Variants in UNC80 observed in about 807,000 individuals in gnomAD.
UNC80 encodes unc-80 subunit of NALCN channel complex, also known as protein unc-80 homolog.
In UNC80, 164 loss-of-function variants were observed where a neutral mutation model predicts 384.6. The ratio of observed to expected loss-of-function variants is 0.43; its 90% CI spans 0.38 to 0.49. The LOEUF (loss-of-function observed/expected upper bound fraction) is 0.49. Ranked by LOEUF, UNC80 falls within the 20% of genes least tolerant of loss-of-function variation. The pLI, the probability that UNC80 is intolerant of heterozygous loss-of-function variation, is 0.00. For synonymous variants in UNC80, 1,486 were observed against 1,527.8 expected (o/e 0.97, Z 0.64); for missense variants, 3,330 against 4,143.0 (o/e 0.80, Z 5.39).
chr2:209,871,394 ATTAT>A (rs1334516174), intron 22 of UNC80, among the ~76,000 whole-genome samples: 3 of 152,182 alleles, frequency 2.0e-5, no homozygotes, highest in African/African-American at 2.4e-5. Context: ...AATGGGGGAC[ATTAT>A]TTATAGATCA....
At chr2:209,790,143 T>G (rs1276343124) in intron 6 of UNC80, among the ~76,000 whole-genome samples, 2 of 152,144 alleles carry the variant, frequency 1.3e-5, no homozygotes, top group Non-Finnish European at 2.9e-5. Context: ...AGATGCAGAA[T>G]GTAATTCAGT....
At chr2:209,822,275 A>G (rs1475621390) in intron 13 of UNC80, among the ~76,000 whole-genome samples, 1 of 152,224 alleles carries the variant, frequency 6.6e-6, no homozygotes, top group African/African-American at 2.4e-5. Flanking sequence ...TCTATCACTG[A>G]GGACAATGCA....
intron 4 of UNC80, 21 bp from the exon 5 acceptor site, chr2:209,786,045 A>G (rs761221965): frequency 1.2e-6 from 2 of 1,611,536 alleles, no homozygotes; most frequent in Non-Finnish European, 1.7e-6. Flanking sequence ...TATTGGACAT[A>G]TATCTTCTCC....
chr2:209,798,844 ATTTTTT>A (rs1167727452), intron 7 of UNC80, among the ~76,000 whole-genome samples: 1 of 126,642 alleles, frequency 7.9e-6, no homozygotes, highest in Non-Finnish European at 1.6e-5. Flanking sequence ...AGCCTGGCTA[ATTTTTT>A]TTTTTTTTTT....
rs186128315 is a variant in UNC80, at chr2:209,829,898, T to C, written c.2626+519T>C. ...ACTTAATTTTTTTTAAAAAGGCAAA[T>C]GGATGCACAGATAAACCTACAAGCT... On this transcript the variant is annotated intron_variant, in intron 15 of 64. Coordinates refer to ENST00000673920, the MANE Select transcript of UNC80 (RefSeq NM_001371986.1). 2.0e-5 allele frequency among the ~76,000 whole-genome samples: 3 copies of C among 152,252 alleles called. No individual in the cohort carries two copies. The East Asian group carries it at 5.8e-4, about 29-fold the overall frequency.
In UNC80 at chr2:209,852,934, G is replaced by T. The variant is rs534736919; in HGVS notation, c.3627+3311G>T. Among the ~76,000 whole-genome samples, 9 of 152,082 alleles carry T rather than the reference G, an allele frequency of 5.9e-5. No homozygotes were observed. In the South Asian group the frequency reaches 6.2e-4, roughly 11 times the overall value. ...TAGATATATGTATATAATATAAATA[G>T]ATGTAAATATAGAAATAAACATAGA... On this transcript the variant is annotated intron_variant, in intron 22 of 64. Coordinates refer to ENST00000673920, the MANE Select transcript of UNC80 (RefSeq NM_001371986.1).
At chr2:209,829,687 A>G (rs1172185222) in intron 15 of UNC80, among the ~76,000 whole-genome samples, 1 of 152,078 alleles carries the variant, frequency 6.6e-6, no homozygotes, top group Non-Finnish European at 1.5e-5. Flanking sequence ...CTCTCATATA[A>G]CATTCTGTTA....
chr2:209,781,307 T>C (rs1441473722), intron 4 of UNC80, among the ~76,000 whole-genome samples: 1 of 152,178 alleles, frequency 6.6e-6, no homozygotes, highest in East Asian at 1.9e-4. Flanking sequence ...AAGAGGGAAA[T>C]TGAGATCCAG....
intron 48 of UNC80, chr2:209,954,519 C>T (rs921003264): frequency 7.2e-5 from 21 of 291,360 alleles, no homozygotes; most frequent in Non-Finnish European, 1.2e-4. Flanking sequence ...TTGCTAAACA[C>T]ACATTTGCAT....
At chr2:209,984,793 C>CT in intron 60 of UNC80, 63 bp from the exon 61 acceptor site, 2 of 1,461,708 alleles carry the variant, frequency 1.4e-6, no homozygotes, top group Non-Finnish European at 1.8e-6. Flanking sequence ...TGCCTTTTTT[C>CT]TTTTTTCTTT....
chr2:209,949,514 G>C (rs1024566221), intron 47 of UNC80, among the ~76,000 whole-genome samples: 8 of 151,954 alleles, frequency 5.3e-5, no homozygotes, highest in Non-Finnish European at 2.9e-5. Flanking sequence ...TCTTGCTCTT[G>C]TTGCCCAGGC....
At chr2:209,865,140 C>T (rs1417258427) in intron 22 of UNC80, among the ~76,000 whole-genome samples, 1 of 152,192 alleles carries the variant, frequency 6.6e-6, no homozygotes, top group East Asian at 1.9e-4. Flanking sequence ...CACTGCTTTT[C>T]TTTCTCTCCA....
rs746807765 is a variant in UNC80, at chr2:209,777,459, A to T, written c.500A>T (p.Asn167Ile). The T allele has an allele frequency of 1.2e-6, 2 of 1,614,188 alleles. No homozygotes were observed. The highest frequency in any genetic ancestry group is 1.7e-6 in the Non-Finnish European group (2 of 1,180,028). Reference protein sequence around the residue: ...SPGQPCQSSSNDEEENNRRKI... With the variant: ...SPGQPCQSSSIDEEENNRRKI... ...GGGCAGCCTTGCCAAAGCAGCTCTA[A>T]TGACGAAGAAGAGAACAACCGAAGA... Residue 167 changes from asparagine to isoleucine, a missense_variant, in exon 4 of 65, where the codon AAT becomes ATT. By Grantham distance (149) the Asn-to-Ile change is moderately radical. Coordinates refer to ENST00000673920, the MANE Select transcript of UNC80 (RefSeq NM_001371986.1).
chr2:209,921,116 C>A (rs1206290742), intron 33 of UNC80, among the ~76,000 whole-genome samples: 3 of 152,172 alleles, frequency 2.0e-5, no homozygotes, highest in African/African-American at 7.2e-5. Context: ...ACGTGAGCCA[C>A]CACACCTGGC....
intron 21 of UNC80, among the ~76,000 whole-genome samples, chr2:209,844,424 TTC>T (rs1322528885): frequency 6.7e-6 from 1 of 149,748 alleles, no homozygotes; most frequent in Non-Finnish European, 1.5e-5. Flanking sequence ...CTCTCTTTCT[TTC>T]TCTTTCTCTT....
At chr2:209,951,718 G>A (rs1390385913) in intron 47 of UNC80, 1 of 152,130 alleles carries the variant, frequency 6.6e-6, no homozygotes. Context: ...GGGATTCATA[G>A]TGTTTCCTGA....
chr2:209,852,681 A>G (rs995336463), intron 22 of UNC80, among the ~76,000 whole-genome samples: 1 of 152,040 alleles, frequency 6.6e-6, no homozygotes, highest in Admixed American at 6.6e-5. Context: ...GTTTACTGTC[A>G]TTTGTACAGA....
intron 16 of UNC80, 139 bp downstream of exon 16, chr2:209,831,730 T>C: frequency 9.9e-7 from 1 of 1,008,052 alleles, no homozygotes; most frequent in Non-Finnish European, 1.4e-6. Flanking sequence ...TTCCCCGGTG[T>C]CACCAGTAAG....
intron 22 of UNC80, among the ~76,000 whole-genome samples, chr2:209,869,865 C>T (rs1215214550): frequency 1.3e-5 from 2 of 152,096 alleles, no homozygotes; most frequent in Non-Finnish European, 2.9e-5. Flanking sequence ...CAGTTTTATC[C>T]TGAGAAGTTT....
Sources: gnomAD v4.1 joint callset for allele counts (sites outside exome capture counted in the v4.1 genomes callset) on GRCh38, gnomAD v4.1.1 for gene constraint, MANE v1.5 for transcripts, NCBI Gene and HGNC (gene_info 2026-07-23, HGNC 2026-07-21) for gene names.